The following UNC5C variants were observed in gnomAD, a reference collection of about 807,000 sequenced individuals.
The protein encoded by UNC5C is netrin receptor UNC5C.
UNC5C carries 47 observed loss-of-function variants against 99.8 expected under a neutral mutation model. The ratio of observed to expected loss-of-function variants is 0.47; its 90% CI spans 0.37 to 0.60. UNC5C has a LOEUF of 0.60. UNC5C is among the 20% of genes least tolerant of loss of function. The probability of loss-of-function intolerance (pLI) is 0.00; values close to 1 mark genes in which losing one functional copy is unlikely to be tolerated. For missense variants in UNC5C, 1,062 were observed against 1,165.9 expected, an observed-to-expected ratio of 0.91 and a Z score of 1.30; for synonymous variants, 487 against 452.2, an observed-to-expected ratio of 1.08 and a Z score of -0.98.
chr4:95,194,922 C>A (rs1191264029), intron 12 of UNC5C, among the ~76,000 whole-genome samples: 2 of 152,074 alleles, frequency 1.3e-5, no homozygotes, highest in Non-Finnish European at 2.9e-5. Flanking sequence ...AGGTGATAGA[C>A]CCAGGGCCAG....
chr4:95,333,397 A>G (rs1743200366), intron 2 of UNC5C, among the ~76,000 whole-genome samples: 1 of 152,336 alleles, frequency 6.6e-6, no homozygotes, highest in South Asian at 2.1e-4. Context: ...AGTCATAAAA[A>G]ATGATGAGTT....
At position 95,488,288 on chromosome 4, in the gene UNC5C, TAAC is replaced by T. The variant is rs1305074706; in HGVS notation, c.124+60443_124+60445del. ...CACAATATACTGACAATATTATTCA[TAAC>T]AACAATTAAACAGAAATATTTTCTA... On this transcript the variant is annotated intron_variant, in intron 1 of 15. Coordinates refer to ENST00000453304, the MANE Select transcript of UNC5C (RefSeq NM_003728.4). Among the ~76,000 whole-genome samples the T allele has an allele frequency of 3.3e-5, 5 of 151,914 alleles. No homozygotes were observed. In the East Asian group the frequency reaches 9.7e-4, roughly 30 times the overall value.
At chr4:95,293,378 C>T (rs756594842) in intron 3 of UNC5C, among the ~76,000 whole-genome samples, 18 of 136,512 alleles carry the variant, frequency 1.3e-4, no homozygotes, top group Non-Finnish European at 2.0e-4. Flanking sequence ...TCATGGCTCA[C>T]TGCAGCCTTG....
chr4:95,514,256 T>C (rs1178550554), intron 1 of UNC5C, among the ~76,000 whole-genome samples: 1 of 152,208 alleles, frequency 6.6e-6, no homozygotes, highest in African/African-American at 2.4e-5. Context: ...TTTGTATTTA[T>C]ATTTAAATGT....
intron 2 of UNC5C, among the ~76,000 whole-genome samples, chr4:95,311,016 T>C (rs1742257682): frequency 6.6e-6 from 1 of 152,194 alleles, no homozygotes; most frequent in Non-Finnish European, 1.5e-5. Flanking sequence ...CCTTCTATTT[T>C]TGATTTGACT....
intron 2 of UNC5C, among the ~76,000 whole-genome samples, chr4:95,303,309 T>C (rs921333362): frequency 1.1e-4 from 16 of 152,208 alleles, no homozygotes; most frequent in Non-Finnish European, 2.9e-5. Flanking sequence ...CAGCAATCTG[T>C]GTTTTGACCA....
chr4:95,372,729 C>T (rs190025488), intron 1 of UNC5C, among the ~76,000 whole-genome samples: 5 of 152,228 alleles, frequency 3.3e-5, no homozygotes, highest in African/African-American at 7.2e-5. Flanking sequence ...CACTTACAGG[C>T]AGAACGAATG....
chr4:95,202,910 C>T lies in UNC5C; in HGVS notation c.1957G>A (p.Asp653Asn). 6.2e-7 allele frequency: 1 copy of T among 1,614,182 alleles called. No homozygotes were observed. Among genetic ancestry groups the T allele is most frequent in the Non-Finnish European group, 8.5e-7 (1 of 1,180,032 alleles). ...GTGAGGATGTGGCAGGCCTCTGCAT[C>T]CAGCTGAATGTAGCAGGGGGTGGTG... is the stretch of plus-strand genomic sequence containing the variant. ...NFTTPCYIQLDAEACHILTEN... is the reference protein window; with the variant it reads ...NFTTPCYIQLNAEACHILTEN... The change falls in exon 12 of 16, where the codon GAT becomes AAT. Residue 653 changes from aspartate (D) to asparagine (N), a missense_variant. Asp to Asn is a conservative substitution (Grantham distance 23). This residue lies in a region of UNC5C where 810 missense variants were observed against 854.5 expected (regional missense o/e 0.95). Transcript: ENST00000453304.
chr4:95,271,394 A>AT (rs11392814), intron 4 of UNC5C, among the ~76,000 whole-genome samples: 13,070 of 151,600 alleles, frequency 0.086, 1,430 homozygotes, highest in African/African-American at 0.26. Context: ...CGCCCGGCTA[A>AT]TTTTTTTGTG....
At chr4:95,310,644 T>C (rs1742243053) in intron 2 of UNC5C, among the ~76,000 whole-genome samples, 1 of 152,180 alleles carries the variant, frequency 6.6e-6, no homozygotes, top group Non-Finnish European at 1.5e-5. Flanking sequence ...GGGATTTGCT[T>C]GGAAGCATTT....
intron 1 of UNC5C, among the ~76,000 whole-genome samples, chr4:95,490,110 G>C (rs544694721): frequency 6.6e-6 from 1 of 151,680 alleles, no homozygotes; most frequent in South Asian, 2.1e-4. Context: ...GCCAGGAAAG[G>C]AGAAAGAGAC....
intron 1 of UNC5C, among the ~76,000 whole-genome samples, chr4:95,461,686 T>C (rs1417276018): frequency 6.6e-6 from 1 of 152,210 alleles, no homozygotes; most frequent in African/African-American, 2.4e-5. Context: ...GCTTGGGGCT[T>C]TAATTTGGCA....
chr4:95,211,192 T>G (rs1170729253), intron 10 of UNC5C, among the ~76,000 whole-genome samples: 1 of 152,188 alleles, frequency 6.6e-6, no homozygotes, highest in East Asian at 1.9e-4. Flanking sequence ...ATCTGGTCCC[T>G]CAGGATGATA....
chr4:95,249,825 G>A (rs1238214273), intron 5 of UNC5C, among the ~76,000 whole-genome samples: 2 of 152,180 alleles, frequency 1.3e-5, no homozygotes, highest in East Asian at 1.9e-4. Context: ...GCCAGATAAG[G>A]CAGCCCTTAT....
intron 1 of UNC5C, among the ~76,000 whole-genome samples, chr4:95,542,596 T>C (rs1269211664): frequency 6.6e-6 from 1 of 152,206 alleles, no homozygotes; most frequent in African/African-American, 2.4e-5. Flanking sequence ...AATCTCATTA[T>C]ATATGAGCAA....
At chr4:95,424,818 C>A (rs183235126) in intron 1 of UNC5C, among the ~76,000 whole-genome samples, 1 of 151,884 alleles carries the variant, frequency 6.6e-6, no homozygotes, top group African/African-American at 2.4e-5. Context: ...CCACCGCACC[C>A]GCCCCAGATT....
At chr4:95,187,797 C>T (rs1005871322) in intron 12 of UNC5C, among the ~76,000 whole-genome samples, 1 of 152,150 alleles carries the variant, frequency 6.6e-6, no homozygotes, top group Non-Finnish European at 1.5e-5. Context: ...CTTAAGCTCG[C>T]CATTTCTCCA....
intron 5 of UNC5C, among the ~76,000 whole-genome samples, chr4:95,245,627 G>A (rs1303236741): frequency 1.3e-5 from 2 of 152,150 alleles, no homozygotes; most frequent in Admixed American, 1.3e-4. Flanking sequence ...TTATTCACTT[G>A]CACAAACCAG....
At chr4:95,278,540 T>C (rs1169248088) in intron 3 of UNC5C, among the ~76,000 whole-genome samples, 178 bp from the exon 4 acceptor site, 2 of 152,000 alleles carry the variant, frequency 1.3e-5, no homozygotes, top group Non-Finnish European at 2.9e-5. Context: ...AGTGGTGTGA[T>C]CACAGCTCAC....
Sources: gnomAD v4.1 joint callset for allele counts (sites outside exome capture counted in the v4.1 genomes callset) on GRCh38, gnomAD v4.1.1 for gene constraint, gnomAD v4.1.1 regional missense constraint, MANE v1.5 for transcripts, NCBI Gene and HGNC (gene_info 2026-07-23, HGNC 2026-07-21) for gene names.